The following PIKFYVE variants were observed in gnomAD, a reference collection of about 807,000 sequenced individuals.
PIKFYVE encodes the protein 1-phosphatidylinositol 3-phosphate 5-kinase.
PIKFYVE carries 122 observed loss-of-function variants against 257.9 expected under a neutral mutation model. That is an observed-to-expected ratio of 0.47 (90% confidence interval 0.41 to 0.55). The LOEUF (loss-of-function observed/expected upper bound fraction) is 0.55. Among genes scored for constraint, PIKFYVE ranks in the 20% least tolerant of loss-of-function variants. The pLI, the probability that PIKFYVE is intolerant of heterozygous loss-of-function variation, is 0.00. For missense variants in PIKFYVE, 2,160 were observed against 2,536.6 expected, an observed-to-expected ratio of 0.85 and a Z score of 3.19; for synonymous variants, 892 against 868.9, an observed-to-expected ratio of 1.03 and a Z score of -0.47.
At position 208,352,868 on chromosome 2, in the gene PIKFYVE, A is replaced by G. The variant is rs1342868626; in HGVS notation, c.5844+86A>G. On this transcript the variant is annotated intron_variant, in intron 39 of 41. Transcript: ENST00000264380. The stretch of plus-strand genomic sequence containing the variant: ...TAAATATAGTGAATCAGAGAGTAAC[A>G]TCTTATTTTATAGTAAATATTTAAC... The G allele has an allele frequency of 3.4e-6, 5 of 1,483,028 alleles. No homozygotes were observed. In the East Asian group the frequency reaches 1.2e-4, roughly 35 times the overall value. The allele number at this position is 1,483,028 out of a possible 1,614,324, so 91.9% of individuals were successfully genotyped here. A position where few individuals can be genotyped will look rare whatever the true frequency, so the allele number is the denominator to read the frequency against.
intron 8 of PIKFYVE, among the ~76,000 whole-genome samples, 159 bp from the exon 9 acceptor site, chr2:208,300,778 C>A (rs1370371619): frequency 6.6e-6 from 1 of 152,146 alleles, no homozygotes; most frequent in Admixed American, 6.5e-5. Context: ...TCAAGCTGTT[C>A]CCACGTATAT....
intron 9 of PIKFYVE, 103 bp downstream of exon 9, chr2:208,301,197 C>T (rs1693635022): frequency 3.5e-6 from 5 of 1,421,802 alleles, no homozygotes; most frequent in Middle Eastern, 2.0e-4. Flanking sequence ...AGTTAGGGTG[C>T]TCTTTGTTTT....
chr2:208,342,671 C>A, intron 32 of PIKFYVE, 22 bp downstream of exon 32: 1 of 1,547,294 alleles, frequency 6.5e-7, no homozygotes, highest in Non-Finnish European at 8.9e-7. Context: ...GGGACTTTGA[C>A]TTATGATGAT....
chr2:208,345,270 TTAC>T, intron 33 of PIKFYVE, 76 bp downstream of exon 33: 1 of 1,264,878 alleles, frequency 7.9e-7, no homozygotes, highest in Non-Finnish European at 1.1e-6. Flanking sequence ...TTCAGTTTTA[TTAC>T]AGCATTTATC....
chr2:208,316,641 T>G (rs879296308), intron 15 of PIKFYVE, among the ~76,000 whole-genome samples: 4 of 152,128 alleles, frequency 2.6e-5, no homozygotes, highest in Non-Finnish European at 5.9e-5. Context: ...ACTTTAAAGT[T>G]CGTATGGAAC....
At position 208,339,544 on chromosome 2, in the gene PIKFYVE, G is replaced by A. The variant is rs777532624; in HGVS notation, c.4799G>A (p.Ser1600Asn). The change falls in exon 30 of 42, where the codon AGC becomes AAC. Residue 1600 changes from serine (S) to asparagine (N), a missense_variant. Coordinates refer to ENST00000264380, the MANE Select transcript of PIKFYVE (RefSeq NM_015040.4). ...GGGCCCCCTGAGCTAGATACAGCCA[G>A]CAGTTCCGAAGGTAGAGGTTAAGTC... ...VGGPPELDTA[S>N]SSEDVFDGHL... 2 of 1,614,032 alleles carry A rather than the reference G, an allele frequency of 1.2e-6. No homozygotes were observed. Among genetic ancestry groups the A allele is most frequent in the African/African-American group, 2.7e-5 (2 of 74,912 alleles).
intron 13 of PIKFYVE, among the ~76,000 whole-genome samples, chr2:208,312,721 T>G (rs984495974): frequency 6.6e-6 from 1 of 152,198 alleles, no homozygotes; most frequent in Non-Finnish European, 1.5e-5. Flanking sequence ...AAGCAGGCAG[T>G]AGAGGTTAAA....
chr2:208,349,502 AATT>A (rs1172424698), intron 35 of PIKFYVE, among the ~76,000 whole-genome samples: 1 of 149,788 alleles, frequency 6.7e-6, no homozygotes, highest in Non-Finnish European at 1.5e-5. Context: ...ATTATATGTT[AATT>A]ATGTATGTTA....
At chr2:208,294,460 C>G (rs1351703599) in intron 7 of PIKFYVE, among the ~76,000 whole-genome samples, 1 of 152,022 alleles carries the variant, frequency 6.6e-6, no homozygotes, top group East Asian at 1.9e-4. Flanking sequence ...TTCATTATGC[C>G]TTGTGATTTT....
At chr2:208,290,131 C>T (rs1193229125) in intron 7 of PIKFYVE, among the ~76,000 whole-genome samples, 2 of 152,112 alleles carry the variant, frequency 1.3e-5, no homozygotes, top group Non-Finnish European at 2.9e-5. Flanking sequence ...TGATCATCGT[C>T]TAAAAGTTAA....
At chr2:208,271,853 G>A (rs1383609496) in intron 2 of PIKFYVE, among the ~76,000 whole-genome samples, 162 bp downstream of exon 2, 1 of 152,150 alleles carries the variant, frequency 6.6e-6, no homozygotes, top group Non-Finnish European at 1.5e-5. Context: ...AGCTTTAATC[G>A]TAGGTCTCCA....
At chr2:208,312,398 T>C in intron 13 of PIKFYVE, 103 bp downstream of exon 13, 1 of 865,384 alleles carries the variant, frequency 1.2e-6, no homozygotes, top group South Asian at 1.4e-5. Context: ...GCTGAAAATA[T>C]ATTTGATTAT....
At chr2:208,337,221 G>A (rs1488719584) in intron 28 of PIKFYVE, among the ~76,000 whole-genome samples, 1 of 152,184 alleles carries the variant, frequency 6.6e-6, no homozygotes, top group Non-Finnish European at 1.5e-5. Flanking sequence ...AGGAAAGTCA[G>A]TGGATGCTCT....
At chr2:208,325,173 T>A in intron 19 of PIKFYVE, 97 bp from the exon 20 acceptor site, 1 of 1,561,596 alleles carries the variant, frequency 6.4e-7, no homozygotes, top group Non-Finnish European at 8.8e-7. Context: ...ATGTAAGAGT[T>A]TTTCTTTTAC....
intron 9 of PIKFYVE, among the ~76,000 whole-genome samples, 158 bp downstream of exon 9, chr2:208,301,252 A>G (rs1341175237): frequency 1.3e-5 from 2 of 152,192 alleles, no homozygotes; most frequent in African/African-American, 4.8e-5. Context: ...CCCTCCTCCA[A>G]TCTGAGTTTT....
At chr2:208,284,709 CTTAA>C (rs1428846854) in intron 5 of PIKFYVE, among the ~76,000 whole-genome samples, 2 of 152,082 alleles carry the variant, frequency 1.3e-5, no homozygotes, top group Non-Finnish European at 2.9e-5. Context: ...TATTTTCCTC[CTTAA>C]TTAATTTGCC....
intron 7 of PIKFYVE, among the ~76,000 whole-genome samples, chr2:208,290,684 C>A (rs1201495921): frequency 6.6e-6 from 1 of 152,148 alleles, no homozygotes; most frequent in African/African-American, 2.4e-5. Flanking sequence ...TTTTGTGAGG[C>A]ACTGCTAGAC....
chr2:208,352,166 G>A (rs1408837246), intron 38 of PIKFYVE, among the ~76,000 whole-genome samples: 2 of 152,220 alleles, frequency 1.3e-5, no homozygotes, highest in Non-Finnish European at 2.9e-5. Flanking sequence ...ACATTCAGTA[G>A]TTGGTAATTT....
At chr2:208,328,083 A>C in intron 20 of PIKFYVE, 97 bp from the exon 21 acceptor site, 2 of 1,595,552 alleles carry the variant, frequency 1.3e-6, no homozygotes, top group Non-Finnish European at 1.7e-6. Flanking sequence ...CCACAGTGAT[A>C]ATTGGAGGCT....
Sources: gnomAD v4.1 joint callset for allele counts (sites outside exome capture counted in the v4.1 genomes callset) on GRCh38, gnomAD v4.1.1 for gene constraint, MANE v1.5 for transcripts, NCBI Gene and HGNC (gene_info 2026-07-23, HGNC 2026-07-21) for gene names.